ADGRE3: variants seen among roughly 807,000 people sequenced by gnomAD.
ADGRE3 encodes adhesion G protein-coupled receptor E3.
A neutral mutation model predicts 80.1 loss-of-function variants in ADGRE3; 88 were observed. The observed-to-expected ratio is 1.10, with a 90% CI of 0.93 to 1.31. The LOEUF (loss-of-function observed/expected upper bound fraction) is 1.31. ADGRE3 is among the 40% of genes most tolerant of loss of function. ADGRE3 has a pLI of 0.00. For synonymous variants in ADGRE3, 281 were observed against 294.8 expected (o/e 0.95, Z 0.48); for missense variants, 715 against 776.5 (o/e 0.92, Z 0.94).
chr19:14,636,074 T>TC (rs1389610686), intron 11 of ADGRE3, among the ~76,000 whole-genome samples: 1,797 of 97,604 alleles, frequency 0.018, 170 homozygotes, highest in African/African-American at 0.019. Flanking sequence ...TCCTTTCCTT[T>TC]CCTTTCCCTT....
At chr19:14,651,420 A>G (rs2146868958) in intron 6 of ADGRE3, among the ~76,000 whole-genome samples, 1 of 152,218 alleles carries the variant, frequency 6.6e-6, no homozygotes, top group Middle Eastern at 3.4e-3. Context: ...GCTCACATAT[A>G]CTGAATGTCT....
At chr19:14,600,698 C>T in the ADGRE3 span, among the ~76,000 whole-genome samples, 1 of 151,162 alleles carries the variant, frequency 6.6e-6, no homozygotes, top group Non-Finnish European at 1.5e-5. Flanking sequence ...TCTCCTGCCT[C>T]AGCCTCCTGA....
At chr19:14,648,790 G>A (rs1568489434) in intron 7 of ADGRE3, among the ~76,000 whole-genome samples, 1 of 152,138 alleles carries the variant, frequency 6.6e-6, no homozygotes, top group East Asian at 1.9e-4. Flanking sequence ...ACTCTCTTTG[G>A]ATTCAAGCTG....
intron 1 of ADGRE3, among the ~76,000 whole-genome samples, chr19:14,672,354 G>C (rs1972279507): frequency 1.3e-5 from 2 of 152,210 alleles, no homozygotes; most frequent in African/African-American, 4.8e-5. Context: ...TGAGGAAACA[G>C]GTCCCCTGGG....
intron 11 of ADGRE3, among the ~76,000 whole-genome samples, chr19:14,636,471 C>T (rs902106897): frequency 9.2e-5 from 14 of 151,662 alleles, no homozygotes; most frequent in African/African-American, 2.2e-4. Flanking sequence ...CCTCCCAAAG[C>T]GCTGGGATTA....
At chr19:14,603,401 T>G in the ADGRE3 span, among the ~76,000 whole-genome samples, 1 of 152,206 alleles carries the variant, frequency 6.6e-6, no homozygotes, top group Non-Finnish European at 1.5e-5. Context: ...GGCATAATGA[T>G]AATACTTGCT....
chr19:14,639,461 TG>T (rs1257668841), intron 10 of ADGRE3, among the ~76,000 whole-genome samples: 1 of 151,928 alleles, frequency 6.6e-6, no homozygotes, highest in Non-Finnish European at 1.5e-5. Context: ...TGGAGTACAG[TG>T]GTTGCAATCA....
chr19:14,656,335 CAG>C (rs1971759974), intron 5 of ADGRE3, among the ~76,000 whole-genome samples: 1 of 118,238 alleles, frequency 8.5e-6, no homozygotes, highest in African/African-American at 3.4e-5. Context: ...GCCTGGGTGA[CAG>C]AGTGAGACTC....
chr19:14,632,979 T>G lies in ADGRE3; in HGVS notation c.1585A>C (p.Ile529Leu), dbSNP rs138384322. 2.3e-3 allele frequency: 3,698 copies of G among 1,613,946 alleles called. 6 individuals are homozygous for G. The highest frequency in any genetic ancestry group is 2.6e-3 in the Non-Finnish European group (3,084 of 1,179,858). Residue 529 changes from isoleucine (I) to leucine (L), a missense_variant, in exon 13 of 16, where the codon ATT becomes CTT. Transcript: ENST00000253673. ...NLVLFILVFWILKRKLSSLNS... is the reference protein window; with the variant it reads ...NLVLFILVFWLLKRKLSSLNS... ...AGGGAGGAAAGTTTTCTTTTCAAAATCCAAAAGACCAAGATAAACAATACT... is the reference window on the plus strand; with the variant it reads ...AGGGAGGAAAGTTTTCTTTTCAAAAGCCAAAAGACCAAGATAAACAATACT...
chr19:14,668,213 T>A (rs1972155151), intron 2 of ADGRE3, among the ~76,000 whole-genome samples: 2 of 151,942 alleles, frequency 1.3e-5, no homozygotes, highest in South Asian at 4.2e-4. Flanking sequence ...ATGGCACCAC[T>A]GCACTCCAGC....
In ADGRE3 at chr19:14,629,786, T is replaced by C. The variant is rs148784346; in HGVS notation, c.1812+253A>G. The stretch of plus-strand genomic sequence containing the variant: ...TTGTTACACAGCATTAGCTGACTAT[T>C]ACGAGTGGGAAAACTGAGAAAAAGG... On this transcript the variant is annotated intron_variant, in intron 14 of 15. Transcript: ENST00000253673. Among the ~76,000 whole-genome samples the C allele has an allele frequency of 3.9e-5, 6 of 152,310 alleles. No homozygotes were observed. The East Asian group carries it at 9.6e-4, about 24-fold the overall frequency.
intron 1 of ADGRE3, among the ~76,000 whole-genome samples, chr19:14,671,197 G>A (rs1362096024): frequency 6.6e-6 from 1 of 152,166 alleles, no homozygotes; most frequent in Non-Finnish European, 1.5e-5. Context: ...TACCATGACT[G>A]TAGTGGCTTA....
chr19:14,620,465 A>AATATATATGTATATTCATGT (rs1970524475), intron 15 of ADGRE3, among the ~76,000 whole-genome samples: 1 of 25,820 alleles, frequency 3.9e-5, no homozygotes, highest in Non-Finnish European at 7.8e-5. Flanking sequence ...TGAATATATG[A>AATATATATGTATATTCATGT]ATATATTATG....
At position 14,647,330 on chromosome 19, in the gene ADGRE3, G is replaced by C; in HGVS notation, c.733C>G (p.Leu245Val). 6.2e-7 allele frequency: 1 copy of C among 1,611,612 alleles called. No individual in the cohort carries two copies. Among genetic ancestry groups the C allele is most frequent in the Non-Finnish European group, 8.5e-7 (1 of 1,178,000 alleles). Residue 245 changes from leucine to valine, a missense_variant, in exon 8 of 16, where the codon CTT becomes GTT. Leu to Val is a conservative substitution (Grantham distance 32). Transcript: ENST00000253673. The stretch of plus-strand genomic sequence containing the variant: ...AAAGTTGCATTTATGATGTTTCCAA[G>C]AGAAGAATATGAGATAAAGGCAATG... Reference protein sequence around the residue: ...SAIAFISYSSLGNIINATFFE... With the variant: ...SAIAFISYSSVGNIINATFFE...
intron 7 of ADGRE3, among the ~76,000 whole-genome samples, chr19:14,650,437 C>T (rs2146865250): frequency 6.6e-6 from 1 of 150,554 alleles, no homozygotes; most frequent in African/African-American, 2.4e-5. Context: ...CATCGCTCTC[C>T]CCATCTCTCT....
At position 14,619,254 on chromosome 19, in the gene ADGRE3, T is replaced by C; in HGVS notation, c.*179A>G. The C allele has an allele frequency of 1.6e-6, 1 of 628,216 alleles. No individual in the cohort carries two copies. The highest frequency in any genetic ancestry group is 1.8e-5 in the South Asian group (1 of 55,234). The allele number at this position is 628,216 out of a possible 1,614,324, so 38.9% of individuals were successfully genotyped here. A position where few individuals can be genotyped will look rare whatever the true frequency, so the allele number is the denominator to read the frequency against. On this transcript the variant is annotated 3_prime_UTR_variant, in exon 16 of 16. Transcript: ENST00000253673. ...TACACCATAGTGAAGAGAAATGCAA[T>C]TTACCACACATTTGTTGAGAGCCTA... is the stretch of plus-strand genomic sequence containing the variant.
At chr19:14,662,510 C>G (rs534252750) in intron 3 of ADGRE3, among the ~76,000 whole-genome samples, 1 of 151,976 alleles carries the variant, frequency 6.6e-6, no homozygotes, top group Non-Finnish European at 1.5e-5. Flanking sequence ...CTCAGCCTCC[C>G]GAGTAACTGG....
At chr19:14,662,362 A>G (rs1297862540) in intron 3 of ADGRE3, among the ~76,000 whole-genome samples, 1 of 152,194 alleles carries the variant, frequency 6.6e-6, no homozygotes, top group Non-Finnish European at 1.5e-5. Flanking sequence ...AAACACTGAG[A>G]GGGCAGTCGC....
chr19:14,659,935 C>T (rs903331115), intron 4 of ADGRE3, among the ~76,000 whole-genome samples: 3 of 150,864 alleles, frequency 2.0e-5, no homozygotes, highest in Non-Finnish European at 2.9e-5. Flanking sequence ...TGGTTTTCAG[C>T]TCAGTCTATT....
Sources: gnomAD v4.1 joint callset for allele counts (sites outside exome capture counted in the v4.1 genomes callset) on GRCh38, gnomAD v4.1.1 for gene constraint, MANE v1.5 for transcripts, NCBI Gene and HGNC (gene_info 2026-07-23, HGNC 2026-07-21) for gene names.